Variants in SQLE observed in about 807,000 individuals in gnomAD.
SQLE encodes the protein squalene epoxidase, also known as squalene monooxygenase.
In SQLE, 29 loss-of-function variants were observed where a neutral mutation model predicts 60.7. That is an observed-to-expected ratio of 0.48 (90% CI 0.36 to 0.65). The LOEUF (loss-of-function observed/expected upper bound fraction) is 0.65. Ranked by LOEUF, SQLE falls within the 30% of genes least tolerant of loss-of-function variation. The pLI is 0.00. For synonymous variants in SQLE, 237 were observed against 246.8 expected (o/e 0.96, Z 0.37); for missense variants, 605 against 684.1 (o/e 0.88, Z 1.29).
At chr8:125,008,419 G>A (rs576988670) in intron 4 of SQLE, among the ~76,000 whole-genome samples, 2 of 151,826 alleles carry the variant, frequency 1.3e-5, no homozygotes, top group African/African-American at 4.8e-5. Context: ...AAAAATTATC[G>A]TAGTAAAAAA....
intron 4 of SQLE, 38 bp downstream of exon 4, chr8:125,007,525 T>A: frequency 7.2e-7 from 1 of 1,389,458 alleles, no homozygotes; most frequent in Non-Finnish European, 9.8e-7. Flanking sequence ...CTAAGAGATG[T>A]TGTTTTTCCT....
rs74781334 is a variant in SQLE, at chr8:125,004,897, T to C, written c.545-628T>C. On this transcript the variant is annotated intron_variant, in intron 2 of 10. Transcript: ENST00000265896. ...GCTTTAGATTTAAGAAAGAAGTTTT[T>C]ACATGATTCTGATGAATTCAGTGTT... Among the ~76,000 whole-genome samples, 277 of 152,286 alleles carry C rather than the reference T, an allele frequency of 1.8e-3. 1 individual carries two copies. The highest frequency in any genetic ancestry group is 6.1e-3 in the African/African-American group (253 of 41,572).
In SQLE at chr8:124,998,703, G is replaced by A. The variant is rs1814788337; in HGVS notation, c.-701G>A. The stretch of plus-strand genomic sequence containing the variant: ...AAGTGCAGTCGCGGTGGGCGGCTCT[G>A]GGGGCCAGCGAAACGGGAGGCCTCT... On this transcript the variant is annotated 5_prime_UTR_variant, in exon 1 of 11. Transcript: ENST00000265896. The A allele has an allele frequency of 6.5e-6, 4 of 611,250 alleles. No individual in the cohort carries two copies. In the South Asian group the frequency reaches 6.9e-5, roughly 11 times the overall value. 37.9% of individuals were successfully genotyped at this position (611,250 alleles called of 1,614,324 possible).
chr8:125,011,313 A>T (rs1225267031), intron 6 of SQLE: 1 of 354,956 alleles, frequency 2.8e-6, no homozygotes, highest in African/African-American at 2.1e-5. Flanking sequence ...GTTTATATTA[A>T]TGTTCTCTTA....
Position 125,021,917 on chromosome 8 carries a change from A to G in SQLE, c.1697A>G (p.Tyr566Cys), listed in dbSNP as rs1226068046. ...KACSVIFPLI[Y>C]SEMKYMVH ...TGTTCTGTAATATTTCCTCTAATTTACTCAGAAATGAAGTATATGGTTCAT... is the reference window on the plus strand; with the variant it reads ...TGTTCTGTAATATTTCCTCTAATTTGCTCAGAAATGAAGTATATGGTTCAT... Residue 566 changes from tyrosine to cysteine, a missense_variant, in exon 11 of 11, where the codon TAC becomes TGC. Transcript: ENST00000265896. 1 of 1,605,200 alleles carries G rather than the reference A, an allele frequency of 6.2e-7. No individual in the cohort carries two copies. The highest frequency in any genetic ancestry group is 1.1e-5 in the South Asian group (1 of 89,492).
At chr8:125,004,297 T>C (rs1201188391) in intron 2 of SQLE, among the ~76,000 whole-genome samples, 1 of 152,216 alleles carries the variant, frequency 6.6e-6, no homozygotes, top group African/African-American at 2.4e-5. Flanking sequence ...TATCCTTTTT[T>C]AGGTAACACT....
Position 125,003,179 on chromosome 8 carries a change from A to G in SQLE, c.295A>G (p.Arg99Gly). The G allele has an allele frequency of 6.2e-7, 1 of 1,603,270 alleles. No homozygotes were observed. Among genetic ancestry groups the G allele is most frequent in the South Asian group, 1.1e-5 (1 of 89,024 alleles). Residue 99 changes from arginine to glycine, a missense_variant, in exon 2 of 11, where the codon AGA becomes GGA. Physicochemically the swap from Arg to Gly is moderately radical, Grantham distance 125. Transcript: ENST00000265896. ...TTACCTTTTTTTTTTTAAACAGCGC[A>G]GAAAAGGAACCAATATTTCAGAAAC... is the stretch of plus-strand genomic sequence containing the variant. Reference protein sequence around the residue: ...NKEQLEARRRRKGTNISETSL... With the variant: ...NKEQLEARRRGKGTNISETSL...
intron 6 of SQLE, among the ~76,000 whole-genome samples, chr8:125,010,356 C>CT (rs534237362): frequency 1.1e-4 from 16 of 151,858 alleles, no homozygotes; most frequent in Non-Finnish European, 2.4e-4. Context: ...TTTTTAGGAT[C>CT]TTTTTTTGAG....
At chr8:125,005,195 A>G (rs1814927858) in intron 2 of SQLE, among the ~76,000 whole-genome samples, 1 of 152,232 alleles carries the variant, frequency 6.6e-6, no homozygotes, top group Non-Finnish European at 1.5e-5. Context: ...AAGAAGGACT[A>G]AATGTGTTCC....
rs371136378 is a variant in SQLE at position 125,003,470 on chromosome 8, C to T, written c.544+42C>T. The T allele has an allele frequency of 1.2e-4, 193 of 1,598,742 alleles. No homozygotes were observed. The African/African-American group carries it at 2.3e-3, about 19-fold the overall frequency. On this transcript the variant is annotated intron_variant, in intron 2 of 10. Transcript: ENST00000265896. ...TTTCAGGAGAGTTACGTGGTATGAACAAGCACTCTTCACTTAGACCATCCT... is the reference window on the plus strand; with the variant it reads ...TTTCAGGAGAGTTACGTGGTATGAATAAGCACTCTTCACTTAGACCATCCT...
chr8:125,021,615 A>G, intron 10 of SQLE, 138 bp from the exon 11 acceptor site: 2 of 595,060 alleles, frequency 3.4e-6, no homozygotes, highest in Non-Finnish European at 5.5e-6. Flanking sequence ...AAAATGTAGA[A>G]TGTTTCATAC....
At chr8:125,017,924 C>A in intron 7 of SQLE, 135 bp from the exon 8 acceptor site, 1 of 1,104,790 alleles carries the variant, frequency 9.1e-7, no homozygotes, top group Non-Finnish European at 1.3e-6. Flanking sequence ...AAATTTTAAT[C>A]ATGATTTGTT....
At chr8:125,009,452 C>T in intron 6 of SQLE, 109 bp downstream of exon 6, 2 of 1,104,260 alleles carry the variant, frequency 1.8e-6, no homozygotes, top group Non-Finnish European at 2.5e-6. Flanking sequence ...TGGAACTGAA[C>T]TATTTAAACT....
chr8:125,018,778 G>C (rs571812988), intron 9 of SQLE, 51 bp downstream of exon 9: 13 of 1,205,134 alleles, frequency 1.1e-5, no homozygotes, highest in African/African-American at 9.4e-5. Flanking sequence ...GATTTTTAGC[G>C]TAGGAAAGGA....
chr8:124,999,318 T>C lies in SQLE; in HGVS notation c.-86T>C. On this transcript the variant is annotated 5_prime_UTR_variant, in exon 1 of 11. Coordinates refer to ENST00000265896, the MANE Select transcript of SQLE (RefSeq NM_003129.4). ...TCTGGCCGGCTCTCCGTGCTCCTCTTGGTACCTCATTTTGGGGAGAACCTT... is the reference window on the plus strand; with the variant it reads ...TCTGGCCGGCTCTCCGTGCTCCTCTCGGTACCTCATTTTGGGGAGAACCTT... 7.4e-7 allele frequency: 1 copy of C among 1,355,094 alleles called. No homozygotes were observed. The highest frequency in any genetic ancestry group is 9.6e-7 in the Non-Finnish European group (1 of 1,040,750). The allele number at this position is 1,355,094 out of a possible 1,614,324, so 83.9% of individuals were successfully genotyped here. A position where few individuals can be genotyped will look rare whatever the true frequency, so the allele number is the denominator to read the frequency against.
chr8:125,011,614 T>C lies in SQLE; in HGVS notation c.1186T>C (p.Ser396Pro), dbSNP rs1815040953. Reference protein sequence around the residue: ...RSMPASFLPPSSVKKRGVLLL... With the variant: ...RSMPASFLPPPSVKKRGVLLL... Reference sequence around the variant, plus strand: ...CATGCCAGCAAGCTTCCTTCCTCCTTCATCAGTGAAGAAACGAGGTATTAT... The same window carrying C: ...CATGCCAGCAAGCTTCCTTCCTCCTCCATCAGTGAAGAAACGAGGTATTAT... The change falls in exon 7 of 11, where the codon TCA (serine) becomes CCA (proline). Residue 396 changes from serine (S) to proline (P), a missense_variant. Physicochemically the swap from Ser to Pro is moderately conservative, Grantham distance 74. Transcript: ENST00000265896. 3.8e-6 allele frequency: 6 copies of C among 1,579,596 alleles called. No individual in the cohort carries two copies. Among genetic ancestry groups the C allele is most frequent in the Non-Finnish European group, 4.3e-6 (5 of 1,160,792 alleles).
In SQLE at chr8:125,007,440, G is replaced by A; in HGVS notation, c.775G>A (p.Val259Ile). The change falls in exon 4 of 11, where the codon GTT becomes ATT. Residue 259 changes from valine (V) to isoleucine (I), a missense_variant. Val to Ile is a conservative substitution (Grantham distance 29). Transcript: ENST00000265896. The stretch of plus-strand genomic sequence containing the variant: ...GTTACAGTTATTAGAGGAAGATGAT[G>A]TTGTGATGGGAGTTCAGTACAAGGA... The part of the protein sequence containing the change: ...VVLQLLEEDD[V>I]VMGVQYKDKE... 6.4e-7 allele frequency: 1 copy of A among 1,556,750 alleles called. No homozygotes were observed. Among genetic ancestry groups the A allele is most frequent in the African/African-American group, 1.4e-5 (1 of 73,586 alleles).
chr8:125,008,840 T>C (rs1814997693), intron 4 of SQLE, 131 bp from the exon 5 acceptor site: 1 of 552,962 alleles, frequency 1.8e-6, no homozygotes, highest in African/African-American at 1.9e-5. Flanking sequence ...TTCAATAGTA[T>C]TATCTTCAAC....
At chr8:125,018,979 C>G (rs117768149) in intron 9 of SQLE, 84 of 388,640 alleles carry the variant, frequency 2.2e-4, no homozygotes, top group Admixed American at 9.8e-4. Flanking sequence ...TTGAATTCCT[C>G]TGGTGCAGAC....
Sources: allele counts gnomAD v4.1 joint callset (sites outside exome capture counted in the v4.1 genomes callset), GRCh38; gene constraint gnomAD v4.1.1; transcripts MANE v1.5; gene names NCBI Gene and HGNC (gene_info 2026-07-23, HGNC 2026-07-21).